Variants in ATP8B4 observed in about 807,000 individuals in gnomAD.
ATP8B4 encodes ATPase phospholipid transporting 8B4 (putative).
Under a neutral mutation model 145.6 loss-of-function variants are expected in ATP8B4, and 133 were observed. That is an observed-to-expected ratio of 0.91 (90% CI 0.79 to 1.05). The LOEUF is 1.05. ATP8B4 is among the 50% of genes least tolerant of loss of function. The probability of loss-of-function intolerance (pLI) is 0.00; values close to 1 mark genes in which losing one functional copy is unlikely to be tolerated. For missense variants in ATP8B4, 1,458 were observed against 1,425.2 expected (o/e 1.02, Z -0.37); for synonymous variants, 507 against 492.9 (o/e 1.03, Z -0.38).
intron 6 of ATP8B4, among the ~76,000 whole-genome samples, chr15:50,017,274 C>T (rs1345357156): frequency 6.6e-6 from 1 of 152,104 alleles, no homozygotes; most frequent in Non-Finnish European, 1.5e-5. Context: ...AGATAACCAC[C>T]GACTATCTAA....
chr15:50,009,051 C>T (rs1043697654), intron 7 of ATP8B4, among the ~76,000 whole-genome samples: 6 of 152,226 alleles, frequency 3.9e-5, no homozygotes, highest in African/African-American at 9.6e-5. Flanking sequence ...GAATTCCACA[C>T]GTCCCTTTTT....
chr15:49,993,454 C>A (rs537808621), intron 9 of ATP8B4, among the ~76,000 whole-genome samples: 1 of 151,868 alleles, frequency 6.6e-6, no homozygotes, highest in East Asian at 1.9e-4. Context: ...AGAAAACAAT[C>A]GAAGGCCAAG....
intron 2 of ATP8B4, among the ~76,000 whole-genome samples, chr15:50,093,324 T>C (rs1298475040): frequency 1.3e-5 from 2 of 152,118 alleles, no homozygotes; most frequent in East Asian, 3.8e-4. Context: ...ACATGTTATT[T>C]ATTACTGTTG....
chr15:50,137,971 G>A (rs1249906488), intron 1 of ATP8B4, among the ~76,000 whole-genome samples: 2 of 152,176 alleles, frequency 1.3e-5, no homozygotes, highest in East Asian at 3.8e-4. Flanking sequence ...CAATATTTTA[G>A]TAATTGTGAG....
At chr15:49,935,773 C>T (rs546727527) in intron 14 of ATP8B4, among the ~76,000 whole-genome samples, 4 of 152,104 alleles carry the variant, frequency 2.6e-5, no homozygotes, top group African/African-American at 7.2e-5. Context: ...CAAAATCAGA[C>T]GAAGATTTAA....
chr15:49,906,478 C>G (rs1288908312), intron 20 of ATP8B4, among the ~76,000 whole-genome samples: 1 of 152,166 alleles, frequency 6.6e-6, no homozygotes, highest in Non-Finnish European at 1.5e-5. Flanking sequence ...TTAACTCAAT[C>G]GCTCCTTTTC....
At chr15:50,111,221 C>T (rs1323931509) in intron 1 of ATP8B4, among the ~76,000 whole-genome samples, 4 of 152,128 alleles carry the variant, frequency 2.6e-5, no homozygotes, top group Admixed American at 6.5e-5. Flanking sequence ...GATCTGAGGC[C>T]GTTCAGCAGT....
chr15:49,951,853 GT>G (rs1290375164), intron 14 of ATP8B4, among the ~76,000 whole-genome samples: 2 of 152,038 alleles, frequency 1.3e-5, no homozygotes, highest in African/African-American at 2.4e-5. Flanking sequence ...TCCATATTCA[GT>G]GTTTCTTTCA....
intron 1 of ATP8B4, among the ~76,000 whole-genome samples, chr15:50,125,360 C>A (rs1173343741): frequency 6.6e-6 from 1 of 152,186 alleles, no homozygotes; most frequent in Non-Finnish European, 1.5e-5. Flanking sequence ...TTAGTCTGTC[C>A]TCCAGGTCAC....
chr15:50,073,019 T>TACACACACACACAC (rs373934302), intron 3 of ATP8B4, among the ~76,000 whole-genome samples: 3 of 32,452 alleles, frequency 9.2e-5, no homozygotes, highest in African/African-American at 4.1e-4. Context: ...TATATATATA[T>TACACACACACACAC]ACACACACAC....
chr15:49,876,828 C>A, intron 24 of ATP8B4: 1 of 470,914 alleles, frequency 2.1e-6, no homozygotes, highest in Non-Finnish European at 4.0e-6. Flanking sequence ...ATTGAAGTTT[C>A]TTTCCTACAC....
At chr15:49,976,222 C>T (rs1031887888) in intron 12 of ATP8B4, among the ~76,000 whole-genome samples, 5 of 151,890 alleles carry the variant, frequency 3.3e-5, no homozygotes, top group African/African-American at 1.2e-4. Flanking sequence ...TATATATTTT[C>T]ATATATGGTT....
chr15:49,985,050 G>A (rs1599630302), intron 10 of ATP8B4, among the ~76,000 whole-genome samples: 1 of 151,734 alleles, frequency 6.6e-6, no homozygotes, highest in Non-Finnish European at 1.5e-5. Context: ...CCTAGTGGTA[G>A]GTATAACTAG....
intron 3 of ATP8B4, among the ~76,000 whole-genome samples, chr15:50,053,277 C>T (rs2052333351): frequency 6.6e-6 from 1 of 152,196 alleles, no homozygotes; most frequent in Non-Finnish European, 1.5e-5. Context: ...CACGAGTTGA[C>T]ACAGCTTGTA....
intron 6 of ATP8B4, among the ~76,000 whole-genome samples, chr15:50,012,669 C>G (rs112638215): frequency 6.6e-6 from 1 of 151,756 alleles, no homozygotes; most frequent in African/African-American, 2.4e-5. Flanking sequence ...AGAAACTGAA[C>G]GAAGAGTAAG....
Position 49,897,420 on chromosome 15 carries a change from G to T in ATP8B4, c.2569C>A (p.Leu857Ile), listed in dbSNP as rs1464386750. Residue 857 changes from leucine (L) to isoleucine (I), a missense_variant, in exon 23 of 28, where the codon CTT becomes ATT. Physicochemically the swap from Leu to Ile is conservative, Grantham distance 5. Transcript: ENST00000284509. ...SFAQFRYLQR[L>I]LLVHGRWSYF... ...GACCACCTTCCATGAACAAGGAGAA[G>T]CCTTTGGAGATATCTAAACTGTGCA... 2 of 1,613,802 alleles carry T rather than the reference G, an allele frequency of 1.2e-6. No individual in the cohort carries two copies. The highest frequency in any genetic ancestry group is 8.5e-7 in the Non-Finnish European group (1 of 1,179,866).
At chr15:49,945,921 T>C (rs959418810) in intron 14 of ATP8B4, among the ~76,000 whole-genome samples, 25 of 152,200 alleles carry the variant, frequency 1.6e-4, no homozygotes, top group Admixed American at 6.5e-5. Flanking sequence ...CTGAAAGCTT[T>C]TTCTGTAAAA....
chr15:49,966,822 G>A (rs1444877714), intron 13 of ATP8B4, among the ~76,000 whole-genome samples: 2 of 152,218 alleles, frequency 1.3e-5, no homozygotes, highest in Non-Finnish European at 2.9e-5. Context: ...TATCCTGACT[G>A]GGAGACATCT....
chr15:49,986,611 A>C (rs1174603419), intron 10 of ATP8B4, among the ~76,000 whole-genome samples: 3 of 152,220 alleles, frequency 2.0e-5, no homozygotes, highest in African/African-American at 7.2e-5. Context: ...GAGGAAGGTC[A>C]GTTAAGAAAA....
Sources: gnomAD v4.1 joint callset for allele counts (sites outside exome capture counted in the v4.1 genomes callset) on GRCh38, gnomAD v4.1.1 for gene constraint, MANE v1.5 for transcripts, NCBI Gene and HGNC (gene_info 2026-07-23, HGNC 2026-07-21) for gene names.